Variants in FBLN7 observed in about 807,000 individuals in gnomAD.
FBLN7 encodes the protein fibulin-7.
In FBLN7, 31 loss-of-function variants were observed where a neutral mutation model predicts 44.0. That is an observed-to-expected ratio of 0.70 (90% CI 0.53 to 0.95). The LOEUF is 0.95. Among genes scored for constraint, FBLN7 ranks in the 40% least tolerant of loss-of-function variants. The pLI, the probability that FBLN7 is intolerant of heterozygous loss-of-function variation, is 0.00. For missense variants in FBLN7, 573 were observed against 618.5 expected, an observed-to-expected ratio of 0.93 and a Z score of 0.78; for synonymous variants, 262 against 253.4, an observed-to-expected ratio of 1.03 and a Z score of -0.32.
At chr2:112,163,004 C>T (rs1008352181) in intron 2 of FBLN7, among the ~76,000 whole-genome samples, 1 of 152,214 alleles carries the variant, frequency 6.6e-6, no homozygotes, top group South Asian at 2.1e-4. Flanking sequence ...AGCTCTCACT[C>T]GCTTGCTACT....
At chr2:112,210,676 AAAAGG>A in the FBLN7 span, among the ~76,000 whole-genome samples, 4 of 151,538 alleles carry the variant, frequency 2.6e-5, no homozygotes, top group Non-Finnish European at 4.4e-5. Flanking sequence ...AAAAAAAAAA[AAAAGG>A]AAAGGTAGAA....
chr2:112,200,810 C>T, the FBLN7 span, among the ~76,000 whole-genome samples: 57 of 152,248 alleles, frequency 3.7e-4, no homozygotes, highest in South Asian at 0.011. Context: ...GGATTACAGG[C>T]GTTACAGGTG....
rs1258477582 is a variant in FBLN7 at position 112,187,916 on chromosome 2, G to A, written c.*410G>A. ...TAGCCAGGCTTGCTATGAATGAAAC[G>A]GTTCTAGTCGTGCGGGGGGCCCTAG... On this transcript the variant is annotated 3_prime_UTR_variant, in exon 8 of 8. Transcript: ENST00000331203. The surrounding 1 kb of genome is among the most constrained non-coding windows in gnomAD (Gnocchi z 5.1). 2 of 256,144 alleles carry A rather than the reference G, an allele frequency of 7.8e-6. No individual in the cohort carries two copies. The highest frequency in any genetic ancestry group is 4.9e-5 in the Admixed American group (1 of 20,362). 15.9% of individuals were successfully genotyped at this position (256,144 alleles called of 1,614,324 possible). A position where few individuals can be genotyped will look rare whatever the true frequency, so the allele number is the denominator to read the frequency against.
chr2:112,149,302 C>A (rs141926319), intron 1 of FBLN7, among the ~76,000 whole-genome samples: 1 of 152,164 alleles, frequency 6.6e-6, no homozygotes. Context: ...GGAAAGGAGA[C>A]GTGGCCAGCC....
chr2:112,184,492 C>T (rs1182722856), intron 6 of FBLN7, among the ~76,000 whole-genome samples: 10 of 152,032 alleles, frequency 6.6e-5, no homozygotes, highest in East Asian at 1.9e-4. Flanking sequence ...TTGGGAGGGA[C>T]GGCCTCCAGC....
At chr2:112,231,086 C>T in the FBLN7 span, 2 of 521,628 alleles carry the variant, frequency 3.8e-6, no homozygotes, top group Admixed American at 1.1e-4. Context: ...ACTACTACTA[C>T]AGGAACTGAA....
chr2:112,175,343 A>T lies in FBLN7; in HGVS notation c.407-371A>T, dbSNP rs570149832. On this transcript the variant is annotated intron_variant, in intron 3 of 7. Coordinates refer to ENST00000331203, the MANE Select transcript of FBLN7 (RefSeq NM_153214.3). ...GGCCTGACTCAAAGGCAATGTGGGCAGATGCCCACAGGTAGCCACTTCTGT... is the reference window on the plus strand; with the variant it reads ...GGCCTGACTCAAAGGCAATGTGGGCTGATGCCCACAGGTAGCCACTTCTGT... 1.2e-4 allele frequency among the ~76,000 whole-genome samples: 18 copies of T among 152,374 alleles called. No homozygotes were observed. In the South Asian group the frequency reaches 3.7e-3, roughly 32 times the overall value.
At chr2:112,159,898 G>T in intron 2 of FBLN7, 63 bp downstream of exon 2, 3 of 1,359,996 alleles carry the variant, frequency 2.2e-6, no homozygotes, top group Non-Finnish European at 2.9e-6. Context: ...TCCCCGAGAC[G>T]CTCCCAGCTG....
chr2:112,144,523 C>CTTTTTTT (rs35764058), intron 1 of FBLN7, among the ~76,000 whole-genome samples: 1 of 123,794 alleles, frequency 8.1e-6, no homozygotes, highest in African/African-American at 3.0e-5. Context: ...GTTTTCTTTT[C>CTTTTTTT]TTTTTTTTTT....
chr2:112,206,415 C>T, the FBLN7 span, among the ~76,000 whole-genome samples: 1 of 152,134 alleles, frequency 6.6e-6, no homozygotes. Context: ...TCATTGATCT[C>T]TACAGTTGTC....
At chr2:112,142,120 A>G (rs920645535) in intron 1 of FBLN7, among the ~76,000 whole-genome samples, 1 of 152,018 alleles carries the variant, frequency 6.6e-6, no homozygotes, top group South Asian at 2.1e-4. Context: ...CCCCTTCTCC[A>G]CCCTCAACCC....
At chr2:112,170,399 C>A (rs534598794) in intron 3 of FBLN7, among the ~76,000 whole-genome samples, 1 of 151,430 alleles carries the variant, frequency 6.6e-6, no homozygotes, top group Admixed American at 6.6e-5. Flanking sequence ...TGGTGGCATG[C>A]GCCTGTAATC....
Position 112,182,769 on chromosome 2 carries a change from CAGTG to C in FBLN7, c.671-19_671-16del, listed in dbSNP as rs545728449. 314 of 1,575,490 alleles carry C rather than the reference CAGTG, an allele frequency of 2.0e-4. No individual in the cohort carries two copies. The African/African-American group carries it at 3.3e-3, about 16-fold the overall frequency. ...ACTTGCTGCATGGCTCCTAAAGTCACAGTGAGCACTTCTGTCTGCAGACGTGAAC... is the reference window on the plus strand; with the variant it reads ...ACTTGCTGCATGGCTCCTAAAGTCACAGCACTTCTGTCTGCAGACGTGAAC... On this transcript the variant is annotated intron_variant, in intron 5 of 7. Transcript: ENST00000331203.
At chr2:112,241,445 C>CT in the FBLN7 span, among the ~76,000 whole-genome samples, 3 of 152,132 alleles carry the variant, frequency 2.0e-5, no homozygotes, top group African/African-American at 7.2e-5. Context: ...AGAGACCCCC[C>CT]CCTCAAGGGC....
chr2:112,229,948 A>C, the FBLN7 span, among the ~76,000 whole-genome samples: 214 of 152,004 alleles, frequency 1.4e-3, no homozygotes, highest in African/African-American at 4.8e-3. Flanking sequence ...GCCGCAAAAA[A>C]AAAAAACAAA....
chr2:112,235,686 C>T, the FBLN7 span, among the ~76,000 whole-genome samples: 1 of 152,090 alleles, frequency 6.6e-6, no homozygotes, highest in Non-Finnish European at 1.5e-5. Flanking sequence ...TATTATTCTA[C>T]CCTGCTTACA....
chr2:112,140,746 G>C (rs138810496), intron 1 of FBLN7, among the ~76,000 whole-genome samples: 1 of 152,148 alleles, frequency 6.6e-6, no homozygotes, highest in Admixed American at 6.5e-5. Flanking sequence ...GAACACTCAC[G>C]GGACTTTCTC....
In FBLN7 at chr2:112,159,705, G is replaced by T; in HGVS notation, c.105G>T (p.Ser35=). The T allele has an allele frequency of 6.3e-7, 1 of 1,577,050 alleles. No homozygotes were observed. The highest frequency in any genetic ancestry group is 2.4e-5 in the East Asian group (1 of 41,000). The change falls in exon 2 of 8, where the codon TCG becomes TCT. Residue 35 remains serine, a synonymous_variant. Coordinates refer to ENST00000331203, the MANE Select transcript of FBLN7 (RefSeq NM_153214.3). The part of the protein sequence containing the change: ...QNCLSKQQLL[S]AIRQLQQLLK... ...GTCTCAGCAAACAGCAGCTCCTCTC[G>T]GCCATCCGCCAGCTGCAGCAGCTGC...
downstream of FBLN7, among the ~76,000 whole-genome samples, chr2:112,193,143 T>C (rs938806071): frequency 5.9e-5 from 9 of 152,124 alleles, no homozygotes; most frequent in African/African-American, 2.2e-4. Flanking sequence ...AAGTCCCTGA[T>C]AGAAAAATGG....
Sources: gnomAD v4.1 joint callset for allele counts (sites outside exome capture counted in the v4.1 genomes callset) on GRCh38, gnomAD v4.1.1 for gene constraint, Gnocchi (gnomAD v3.1) non-coding constraint, MANE v1.5 for transcripts, NCBI Gene and HGNC (gene_info 2026-07-23, HGNC 2026-07-21) for gene names.